HIP1: variants seen among roughly 807,000 people sequenced by gnomAD.
HIP1 encodes the protein huntingtin interacting protein 1, also known as huntingtin-interacting protein 1.
HIP1 carries 65 observed loss-of-function variants against 147.6 expected under a neutral mutation model. The observed-to-expected ratio is 0.44, with a 90% CI of 0.36 to 0.54. The LOEUF (loss-of-function observed/expected upper bound fraction) is 0.54, where lower values mean the gene tolerates loss of function less well. HIP1 is among the 20% of genes least tolerant of loss of function. The pLI is 0.00. For missense variants in HIP1, 1,061 were observed against 1,299.6 expected, an observed-to-expected ratio of 0.82 and a Z score of 2.82; for synonymous variants, 479 against 504.0, an observed-to-expected ratio of 0.95 and a Z score of 0.67.
At chr7:75,676,568 G>A (rs1799896184) in intron 1 of HIP1, among the ~76,000 whole-genome samples, 2 of 152,068 alleles carry the variant, frequency 1.3e-5, no homozygotes, top group Admixed American at 1.3e-4. Flanking sequence ...CCTAATGTCA[G>A]GAGTTCGAGA....
intron 1 of HIP1, among the ~76,000 whole-genome samples, chr7:75,694,993 A>G (rs1258691290): frequency 6.6e-6 from 1 of 152,118 alleles, no homozygotes; most frequent in African/African-American, 2.4e-5. Context: ...ACTATGGAAA[A>G]GTTCCTTCAG....
At chr7:75,572,742 C>T (rs1297263280) in intron 8 of HIP1, among the ~76,000 whole-genome samples, 2 of 152,178 alleles carry the variant, frequency 1.3e-5, no homozygotes, top group Non-Finnish European at 2.9e-5. Context: ...CAGGCAGGAA[C>T]CCTACCTTCC....
Position 75,592,038 on chromosome 7 carries a change from G to C in HIP1, c.384+18C>G. The C allele has an allele frequency of 6.2e-7, 1 of 1,609,214 alleles. No homozygotes were observed. Among genetic ancestry groups the C allele is most frequent in the Non-Finnish European group, 8.5e-7 (1 of 1,175,508 alleles). On this transcript the variant is annotated intron_variant, in intron 4 of 30. Transcript: ENST00000336926. ...GAAAGGAGAAGCAGGTGGCTCCTGA[G>C]TACATCTCCAAACTCACCCACATCC...
intron 7 of HIP1, among the ~76,000 whole-genome samples, chr7:75,579,454 GCTAATTTT>G (rs1554498218): frequency 1.3e-5 from 2 of 151,952 alleles, no homozygotes; most frequent in Non-Finnish European, 2.9e-5. Flanking sequence ...ACCACACCTG[GCTAATTTT>G]TGTATTTTTA....
intron 22 of HIP1, among the ~76,000 whole-genome samples, chr7:75,552,701 G>C (rs1794830098): frequency 6.6e-6 from 1 of 151,866 alleles, no homozygotes; most frequent in African/African-American, 2.4e-5. Context: ...TTTCCATTTT[G>C]GGTATTACCT....
At chr7:75,604,536 T>C (rs1225747385) in intron 1 of HIP1, among the ~76,000 whole-genome samples, 1 of 152,090 alleles carries the variant, frequency 6.6e-6, no homozygotes, top group Non-Finnish European at 1.5e-5. Context: ...TATGGTGGCA[T>C]GCGCCTGTAT....
chr7:75,586,130 A>C (rs1202378536), intron 5 of HIP1, among the ~76,000 whole-genome samples: 4 of 151,998 alleles, frequency 2.6e-5, no homozygotes, highest in African/African-American at 9.7e-5. Context: ...TGTTTTTATT[A>C]ACAGTAAAAT....
chr7:75,555,701 CTG>C (rs1215458544), intron 18 of HIP1, 150 bp from the exon 19 acceptor site: 1 of 872,898 alleles, frequency 1.1e-6, no homozygotes, highest in Non-Finnish European at 1.7e-6. Flanking sequence ...GGCGCTTTAA[CTG>C]TGTGCACAGG....
chr7:75,723,514 A>G (rs1426738114), intron 1 of HIP1, among the ~76,000 whole-genome samples: 12 of 152,042 alleles, frequency 7.9e-5, no homozygotes, highest in African/African-American at 2.9e-4. Flanking sequence ...TCTGCTTCCA[A>G]GTTCATTCAG....
At chr7:75,688,368 C>T (rs1563294135) in intron 1 of HIP1, among the ~76,000 whole-genome samples, 2 of 152,028 alleles carry the variant, frequency 1.3e-5, no homozygotes, top group East Asian at 1.9e-4. Flanking sequence ...CAAGGAAGAA[C>T]GGCCGGGGGC....
chr7:75,561,942 C>T, intron 12 of HIP1, 131 bp downstream of exon 12: 1 of 646,488 alleles, frequency 1.5e-6, no homozygotes, highest in East Asian at 2.7e-5. Context: ...CCATTGCCCC[C>T]AACCCTTCAA....
intron 4 of HIP1, among the ~76,000 whole-genome samples, chr7:75,589,597 C>A (rs1238114263): frequency 7.5e-6 from 1 of 133,470 alleles, no homozygotes; most frequent in African/African-American, 2.8e-5. Context: ...GCAGGAGAAT[C>A]GCTTCAACCT....
intron 1 of HIP1, among the ~76,000 whole-genome samples, chr7:75,634,680 C>A (rs1798361308): frequency 6.6e-6 from 1 of 152,004 alleles, no homozygotes; most frequent in African/African-American, 2.4e-5. Flanking sequence ...AATCTCAGCA[C>A]TTTGGGATGC....
intron 1 of HIP1, among the ~76,000 whole-genome samples, chr7:75,680,537 A>C (rs1554516707): frequency 6.6e-6 from 1 of 152,210 alleles, no homozygotes. Flanking sequence ...TATTAAATAC[A>C]GATGCAATCA....
At chr7:75,682,203 C>T (rs1171500857) in intron 1 of HIP1, among the ~76,000 whole-genome samples, 2 of 93,912 alleles carry the variant, frequency 2.1e-5, no homozygotes, top group African/African-American at 9.9e-5. Context: ...ATGATCCACC[C>T]ACCTGGCCTC....
At position 75,548,465 on chromosome 7, in the gene HIP1, C is replaced by CT. The variant is rs1294756749; in HGVS notation, c.2406+425dup. Among the ~76,000 whole-genome samples, 517 of 145,748 alleles carry CT rather than the reference C, an allele frequency of 3.5e-3. 4 individuals are homozygous for CT. Among genetic ancestry groups the CT allele is most frequent in the South Asian group, 0.013 (60 of 4,602 alleles). Reference sequence around the variant, plus strand: ...CTAGCGAGTTCAGATTTTGGTCTCTCTTTTTTTTTTTTATAATTTAAAAAC... The same window carrying CT: ...CTAGCGAGTTCAGATTTTGGTCTCTCTTTTTTTTTTTTTATAATTTAAAAAC... On this transcript the variant is annotated intron_variant, in intron 23 of 30. Coordinates refer to ENST00000336926, the MANE Select transcript of HIP1 (RefSeq NM_005338.7).
intron 1 of HIP1, among the ~76,000 whole-genome samples, chr7:75,709,793 A>C (rs1030067891): frequency 6.6e-6 from 1 of 152,226 alleles, no homozygotes; most frequent in African/African-American, 2.4e-5. Context: ...GTATTTTACC[A>C]TTGAATGTGA....
At chr7:75,617,509 G>A (rs782733197) in intron 1 of HIP1, among the ~76,000 whole-genome samples, 2 of 151,932 alleles carry the variant, frequency 1.3e-5, no homozygotes, top group African/African-American at 4.8e-5. Flanking sequence ...GACCCACCGC[G>A]CCCAGCCTCA....
chr7:75,661,710 C>T (rs1028851162), intron 1 of HIP1, among the ~76,000 whole-genome samples: 7 of 151,694 alleles, frequency 4.6e-5, no homozygotes, highest in African/African-American at 1.5e-4. Context: ...GCAAAAGGTG[C>T]TACAAGTGCT....
Sources: allele counts gnomAD v4.1 joint callset (sites outside exome capture counted in the v4.1 genomes callset), GRCh38; gene constraint gnomAD v4.1.1; transcripts MANE v1.5; gene names NCBI Gene and HGNC (gene_info 2026-07-23, HGNC 2026-07-21).